The following SEMA4D variants were observed in gnomAD, a reference collection of about 807,000 sequenced individuals.
SEMA4D encodes semaphorin 4D.
In SEMA4D, 22 loss-of-function variants were observed where a neutral mutation model predicts 74.8. The ratio of observed to expected loss-of-function variants is 0.29; its 90% CI spans 0.21 to 0.42. The LOEUF (loss-of-function observed/expected upper bound fraction) is 0.42. Among genes scored for constraint, SEMA4D ranks in the 10% least tolerant of loss-of-function variants. The pLI, the probability that SEMA4D is intolerant of heterozygous loss-of-function variation, is 1.00. For missense variants in SEMA4D, 937 were observed against 1,118.4 expected (o/e 0.84, Z 2.31); for synonymous variants, 445 against 463.7 (o/e 0.96, Z 0.52).
exon 19 of SEMA4D, chr9:89,361,948 G>A (rs756583947): frequency 3.8e-5 from 7 of 186,464 alleles, no homozygotes; most frequent in Non-Finnish European, 5.6e-5. Flanking sequence ...TAAAAGCAGC[G>A]ATCTGTGCTG....
At chr9:89,411,070 G>A (rs563878296) in intron 2 of SEMA4D, among the ~76,000 whole-genome samples, 4 of 152,338 alleles carry the variant, frequency 2.6e-5, no homozygotes, top group African/African-American at 9.6e-5. Context: ...CTTAGGAAGC[G>A]AGTGGAGGAG....
chr9:89,425,518 C>T (rs1587795544), intron 2 of SEMA4D, among the ~76,000 whole-genome samples: 1 of 152,246 alleles, frequency 6.6e-6, no homozygotes, highest in Non-Finnish European at 1.5e-5. Flanking sequence ...CTGCTCACAC[C>T]TCCCATGTTC....
At position 89,414,920 on chromosome 9, in the gene SEMA4D, G is replaced by A. The variant is rs117316300; in HGVS notation, c.-243-9221C>T. On this transcript the variant is annotated intron_variant, in intron 2 of 15. Coordinates refer to ENST00000422704, the MANE Select transcript of SEMA4D (RefSeq NM_001371194.2). ...TCACCCACTTCCCAAACCCCTGGGT[G>A]CAGCATGTACAGAATGGGAAACCCA... is the stretch of plus-strand genomic sequence containing the variant. Among the ~76,000 whole-genome samples, 10 of 152,336 alleles carry A rather than the reference G, an allele frequency of 6.6e-5. No homozygotes were observed. In the East Asian group the frequency reaches 1.9e-3, roughly 29 times the overall value.
At chr9:89,426,650 G>A (rs142252862) in intron 2 of SEMA4D, among the ~76,000 whole-genome samples, 4 of 152,194 alleles carry the variant, frequency 2.6e-5, no homozygotes, top group South Asian at 2.1e-4. Context: ...TCTTACCGTC[G>A]TGCGCAGACA....
At chr9:89,491,921 G>A (rs1052813194) in intron 1 of SEMA4D, among the ~76,000 whole-genome samples, 12 of 151,932 alleles carry the variant, frequency 7.9e-5, no homozygotes, top group African/African-American at 2.9e-4. Context: ...CAGCTCATGG[G>A]GATCCTTCAC....
At chr9:89,446,083 C>A (rs1273626262) in intron 2 of SEMA4D, among the ~76,000 whole-genome samples, 1 of 152,164 alleles carries the variant, frequency 6.6e-6, no homozygotes, top group Non-Finnish European at 1.5e-5. Flanking sequence ...TCATGTCAAC[C>A]TCACCCAGGA....
chr9:89,401,474 C>T (rs1191165730), intron 4 of SEMA4D, among the ~76,000 whole-genome samples: 3 of 152,186 alleles, frequency 2.0e-5, no homozygotes, highest in Non-Finnish European at 4.4e-5. Flanking sequence ...AAATGTCCAG[C>T]GTGAACCTGG....
rs554249400 is a variant in SEMA4D at position 89,473,070 on chromosome 9, A to G, written c.-309-17117T>C. ...AACACTGCACTCCCGCCTAGGCAAC[A>G]GAGCAAGACCCTGTCTCAACAAATA... On this transcript the variant is annotated intron_variant, in intron 1 of 15. Transcript: ENST00000422704. 2.7e-3 allele frequency among the ~76,000 whole-genome samples: 407 copies of G among 152,318 alleles called. 2 individuals carry two copies. Among genetic ancestry groups the G allele is most frequent in the African/African-American group, 9.4e-3 (389 of 41,570 alleles).
intron 13 of SEMA4D, chr9:89,385,498 G>T: frequency 1.0e-6 from 1 of 985,410 alleles, no homozygotes; most frequent in Non-Finnish European, 1.2e-6. Context: ...TGGAGACCGA[G>T]AGGCTGGTGA....
At chr9:89,422,456 C>T (rs539925392) in intron 2 of SEMA4D, among the ~76,000 whole-genome samples, 1 of 152,234 alleles carries the variant, frequency 6.6e-6, no homozygotes, top group African/African-American at 2.4e-5. Context: ...GGCTGGGAGC[C>T]ATGCAAGAGG....
chr9:89,424,784 A>G (rs369311270), intron 2 of SEMA4D, among the ~76,000 whole-genome samples: 1 of 152,044 alleles, frequency 6.6e-6, no homozygotes, highest in Admixed American at 6.5e-5. Context: ...CTGTAAGGGA[A>G]TGACACCACA....
intron 2 of SEMA4D, among the ~76,000 whole-genome samples, chr9:89,412,041 G>A (rs1242572708): frequency 6.6e-6 from 1 of 152,042 alleles, no homozygotes; most frequent in African/African-American, 2.4e-5. Flanking sequence ...GCTGGTGGCT[G>A]GCTCCATCCC....
At chr9:89,396,934 AT>A in intron 5 of SEMA4D, 99 bp from the exon 6 acceptor site, 1 of 1,057,890 alleles carries the variant, frequency 9.5e-7, no homozygotes, top group Non-Finnish European at 1.4e-6. Flanking sequence ...ACAGACCCAC[AT>A]TCACCAACAC....
At chr9:89,478,031 G>A (rs1485075846) in intron 1 of SEMA4D, among the ~76,000 whole-genome samples, 1 of 152,162 alleles carries the variant, frequency 6.6e-6, no homozygotes, top group African/African-American at 2.4e-5. Flanking sequence ...AAGGCAAAAA[G>A]CAGCTGTGGT....
chr9:89,491,894 A>G (rs1825658299), intron 1 of SEMA4D, among the ~76,000 whole-genome samples: 1 of 151,530 alleles, frequency 6.6e-6, no homozygotes, highest in Non-Finnish European at 1.5e-5. Context: ...GGCACAGCAC[A>G]CACCGAGAGT....
intron 2 of SEMA4D, among the ~76,000 whole-genome samples, chr9:89,410,641 GA>G (rs969547802): frequency 5.3e-5 from 8 of 151,892 alleles, no homozygotes; most frequent in Admixed American, 2.0e-4. Flanking sequence ...GGAGCTCCGG[GA>G]AAAAAAATGA....
chr9:89,437,175 G>GCTGCTCTGCGGGCCAGCATGCC (rs1416663138), intron 2 of SEMA4D, among the ~76,000 whole-genome samples: 1 of 152,220 alleles, frequency 6.6e-6, no homozygotes, highest in Non-Finnish European at 1.5e-5. Flanking sequence ...CAGGGCCCTG[G>GCTGCTCTGCGGGCCAGCATGCC]CTGCTCTGCG....
intron 2 of SEMA4D, among the ~76,000 whole-genome samples, chr9:89,454,319 C>T (rs1198359044): frequency 2.0e-5 from 3 of 152,192 alleles, no homozygotes; most frequent in African/African-American, 7.2e-5. Flanking sequence ...ACAGACACAC[C>T]TGCATCAACC....
chr9:89,394,872 C>T (rs1036968511), intron 6 of SEMA4D, among the ~76,000 whole-genome samples: 7 of 152,182 alleles, frequency 4.6e-5, no homozygotes, highest in African/African-American at 1.7e-4. Flanking sequence ...AATGATTGAA[C>T]GTTTTCTTAG....
Sources: gnomAD v4.1 joint callset for allele counts (sites outside exome capture counted in the v4.1 genomes callset) on GRCh38, gnomAD v4.1.1 for gene constraint, MANE v1.5 for transcripts, NCBI Gene and HGNC (gene_info 2026-07-23, HGNC 2026-07-21) for gene names.